Variants in GABRG3 observed in about 807,000 individuals in gnomAD.
The protein encoded by GABRG3 is gamma-aminobutyric acid receptor subunit gamma-3.
A neutral mutation model predicts 48.8 loss-of-function variants in GABRG3; 25 were observed. The observed-to-expected ratio is 0.51, with a 90% CI of 0.37 to 0.72. GABRG3 has a LOEUF of 0.72. Among genes scored for constraint, GABRG3 ranks in the 30% least tolerant of loss-of-function variants. GABRG3 has a pLI of 0.00. For synonymous variants in GABRG3, 227 were observed against 217.6 expected, an observed-to-expected ratio of 1.04 and a Z score of -0.38; for missense variants, 394 against 577.9, an observed-to-expected ratio of 0.68 and a Z score of 3.26.
intron 6 of GABRG3, among the ~76,000 whole-genome samples, chr15:27,487,663 A>G (rs903682784): frequency 6.6e-6 from 1 of 152,244 alleles, no homozygotes; most frequent in South Asian, 2.1e-4. Flanking sequence ...GGCATGGATG[A>G]TATTTTATAT....
At chr15:27,098,859 C>A (rs1226282488) in intron 3 of GABRG3, among the ~76,000 whole-genome samples, 1 of 151,940 alleles carries the variant, frequency 6.6e-6, no homozygotes, top group Non-Finnish European at 1.5e-5. Context: ...TGCCCCTTTG[C>A]TCTTGGTTTC....
chr15:27,485,852 C>T (rs187312102), intron 6 of GABRG3, among the ~76,000 whole-genome samples: 1 of 152,194 alleles, frequency 6.6e-6, no homozygotes, highest in East Asian at 1.9e-4. Context: ...TGTTTTCAGG[C>T]TAAAGAAAAA....
At chr15:26,997,033 A>G (rs891311539) in intron 2 of GABRG3, among the ~76,000 whole-genome samples, 1 of 151,916 alleles carries the variant, frequency 6.6e-6, no homozygotes, top group East Asian at 1.9e-4. Flanking sequence ...TGTGTTTCAG[A>G]TTTCACTTTT....
chr15:27,406,620 C>G (rs531550764), intron 5 of GABRG3, among the ~76,000 whole-genome samples: 24 of 152,216 alleles, frequency 1.6e-4, no homozygotes, highest in African/African-American at 5.8e-4. Flanking sequence ...CCGTCCAGGT[C>G]GTCAAAAACA....
At chr15:27,217,522 A>G (rs927379816) in intron 3 of GABRG3, among the ~76,000 whole-genome samples, 2 of 152,120 alleles carry the variant, frequency 1.3e-5, no homozygotes, top group African/African-American at 4.8e-5. Context: ...GTCCTGTGGG[A>G]TCTGCCCCAG....
intron 3 of GABRG3, among the ~76,000 whole-genome samples, chr15:27,285,372 C>T (rs1273512202): frequency 4.0e-5 from 6 of 151,810 alleles, no homozygotes; most frequent in African/African-American, 1.5e-4. Flanking sequence ...AGGACCAGCT[C>T]TCTGCCCAAG....
chr15:27,282,201 T>C (rs1891456729), intron 3 of GABRG3, among the ~76,000 whole-genome samples: 2 of 152,202 alleles, frequency 1.3e-5, no homozygotes, highest in South Asian at 4.1e-4. Context: ...TGGTATGGAT[T>C]ACTTTGGGGT....
At chr15:26,987,004 G>A (rs756326237) in intron 2 of GABRG3, among the ~76,000 whole-genome samples, 4 of 152,164 alleles carry the variant, frequency 2.6e-5, no homozygotes, top group Non-Finnish European at 4.4e-5. Context: ...AGAATTACAG[G>A]TAATGCACTT....
At chr15:27,108,616 T>G (rs1047755763) in intron 3 of GABRG3, among the ~76,000 whole-genome samples, 1 of 152,148 alleles carries the variant, frequency 6.6e-6, no homozygotes, top group Non-Finnish European at 1.5e-5. Context: ...GCTGTCCAGG[T>G]CATTTATATC....
At chr15:27,038,333 G>A (rs917758350) in intron 3 of GABRG3, among the ~76,000 whole-genome samples, 7 of 152,128 alleles carry the variant, frequency 4.6e-5, no homozygotes, top group African/African-American at 9.7e-5. Flanking sequence ...TGTGAAGGAC[G>A]ACCTTCCTTC....
chr15:27,398,330 G>T (rs1887376703), intron 5 of GABRG3, among the ~76,000 whole-genome samples: 1 of 152,108 alleles, frequency 6.6e-6, no homozygotes, highest in East Asian at 1.9e-4. Context: ...TGAAGAAGTA[G>T]GTAATATTGC....
intron 3 of GABRG3, among the ~76,000 whole-genome samples, chr15:27,270,618 C>T (rs768151172): frequency 3.9e-5 from 6 of 152,104 alleles, no homozygotes; most frequent in Admixed American, 1.3e-4. Context: ...GGTTGTTCCA[C>T]GGGTACAAAG....
rs141183978 is a variant in GABRG3 at position 27,256,315 on chromosome 15, C to A, written c.271-70494C>A. Among the ~76,000 whole-genome samples, 721 of 152,100 alleles carry A rather than the reference C, an allele frequency of 4.7e-3. 22 individuals carry two copies. In the East Asian group the frequency reaches 0.062, roughly 13 times the overall value. ...AATTAGCCGGGTGCGATGGAGGGCG[C>A]CTGTAGGCCCAGCTACTTGGGAGGC... On this transcript the variant is annotated intron_variant, in intron 3 of 9. Coordinates refer to ENST00000615808, the MANE Select transcript of GABRG3 (RefSeq NM_033223.5).
rs369949788 is a variant in GABRG3 at position 27,202,299 on chromosome 15, TGGTCAATCCTTCA to T, written c.271-124503_271-124491del. 7.0e-4 allele frequency among the ~76,000 whole-genome samples: 107 copies of T among 152,364 alleles called. 1 individual carries two copies. The highest frequency in any genetic ancestry group is 2.4e-3 in the African/African-American group (101 of 41,588). On this transcript the variant is annotated intron_variant, in intron 3 of 9. Coordinates refer to ENST00000615808, the MANE Select transcript of GABRG3 (RefSeq NM_033223.5). Reference sequence around the variant, plus strand: ...TTCTGTTTCACTTAACAATACATCTTGGTCAATCCTTCAGGTCAACAGACACAGAAATCATTCA... The same window carrying T: ...TTCTGTTTCACTTAACAATACATCTTGGTCAACAGACACAGAAATCATTCA...
intron 3 of GABRG3, among the ~76,000 whole-genome samples, chr15:27,283,429 C>T (rs768227628): frequency 5.3e-5 from 8 of 152,262 alleles, no homozygotes; most frequent in Non-Finnish European, 8.8e-5. Context: ...CATGGTGAAA[C>T]GCCATCTCTA....
At chr15:27,359,965 T>A (rs1216622353) in intron 5 of GABRG3, among the ~76,000 whole-genome samples, 1 of 152,154 alleles carries the variant, frequency 6.6e-6, no homozygotes, top group Non-Finnish European at 1.5e-5. Context: ...GAACATGTGG[T>A]TTTTGAGTGC....
intron 3 of GABRG3, among the ~76,000 whole-genome samples, chr15:27,247,887 A>G (rs11853500): frequency 0.014 from 2,178 of 152,268 alleles, 42 homozygotes; most frequent in African/African-American, 0.05. Context: ...ATTATCTCCC[A>G]CTGGGTCCCT....
chr15:27,169,127 G>A (rs2140409421), intron 3 of GABRG3, among the ~76,000 whole-genome samples: 1 of 152,330 alleles, frequency 6.6e-6, no homozygotes, highest in African/African-American at 2.4e-5. Flanking sequence ...GTGCAGGGAA[G>A]AGCCACTAGT....
At chr15:27,440,906 A>G (rs988657579) in intron 5 of GABRG3, among the ~76,000 whole-genome samples, 2 of 152,208 alleles carry the variant, frequency 1.3e-5, no homozygotes, top group African/African-American at 2.4e-5. Context: ...TAAACCATAG[A>G]TTTTAGCACA....
Sources: gnomAD v4.1 joint callset for allele counts (sites outside exome capture counted in the v4.1 genomes callset) on GRCh38, gnomAD v4.1.1 for gene constraint, MANE v1.5 for transcripts, NCBI Gene and HGNC (gene_info 2026-07-23, HGNC 2026-07-21) for gene names.